RBFOX3: variants seen among roughly 807,000 people sequenced by gnomAD.
RBFOX3 encodes RNA binding protein fox-1 homolog 3.
A neutral mutation model predicts 48.7 loss-of-function variants in RBFOX3; 17 were observed. The observed-to-expected ratio is 0.35, with a 90% CI of 0.24 to 0.52. The LOEUF is 0.52. Ranked by LOEUF, RBFOX3 falls within the 20% of genes least tolerant of loss-of-function variation. RBFOX3 has a pLI of 0.94. For missense variants in RBFOX3, 382 were observed against 497.5 expected (o/e 0.77, Z 2.21); for synonymous variants, 212 against 209.5 (o/e 1.01, Z -0.10).
chr17:79,508,433 G>A (rs1598985616), intron 1 of RBFOX3, among the ~76,000 whole-genome samples: 2 of 152,162 alleles, frequency 1.3e-5, no homozygotes, highest in Admixed American at 6.5e-5. Flanking sequence ...GCCGCCCACC[G>A]CCTCCCTGAC....
intron 1 of RBFOX3, among the ~76,000 whole-genome samples, chr17:79,508,438 C>T (rs2083505706): frequency 6.6e-6 from 1 of 152,224 alleles, no homozygotes; most frequent in Non-Finnish European, 1.5e-5. Context: ...CCACCGCCTC[C>T]CTGACCGCCC....
At position 79,467,065 on chromosome 17, in the gene RBFOX3, G is replaced by C. The variant is rs964373981; in HGVS notation, c.-175+15389C>G. 6.4e-4 allele frequency among the ~76,000 whole-genome samples: 98 copies of C among 152,338 alleles called. 1 individual carries two copies. The highest frequency in any genetic ancestry group is 2.3e-3 in the African/African-American group (96 of 41,582). ...TGCACACGTCTAGATAAGGTGCAGA[G>C]CTGGCACTGCCACGGGCATGTGTTA... On this transcript the variant is annotated intron_variant, in intron 2 of 14. Coordinates refer to ENST00000693108, the MANE Select transcript of RBFOX3 (RefSeq NM_001350451.2).
chr17:79,617,172 C>T, the RBFOX3 span, among the ~76,000 whole-genome samples: 56 of 152,212 alleles, frequency 3.7e-4, no homozygotes, highest in African/African-American at 1.3e-3. Flanking sequence ...CTTCTAGTTT[C>T]ATCTTGTCTT....
At chr17:79,551,046 C>T (rs1263699800) in intron 1 of RBFOX3, among the ~76,000 whole-genome samples, 1 of 152,212 alleles carries the variant, frequency 6.6e-6, no homozygotes, top group Non-Finnish European at 1.5e-5. Context: ...ACTAGTATAT[C>T]TGAACAAAAG....
In RBFOX3 at chr17:79,306,746, A is replaced by G. The variant is rs568085516; in HGVS notation, c.-74+978T>C. On this transcript the variant is annotated intron_variant, in intron 3 of 14. Coordinates refer to ENST00000693108, the MANE Select transcript of RBFOX3 (RefSeq NM_001350451.2). ...GCCCAGATACCAACAGCCCCACCTG[A>G]GCCAACCTCCTAGGCCTCCCGTGCC... 5.9e-5 allele frequency among the ~76,000 whole-genome samples: 9 copies of G among 152,258 alleles called. No individual in the cohort carries two copies. In the South Asian group the frequency reaches 1.5e-3, roughly 25 times the overall value.
chr17:79,258,288 A>G (rs544107366), intron 3 of RBFOX3, among the ~76,000 whole-genome samples: 1 of 152,330 alleles, frequency 6.6e-6, no homozygotes, highest in Non-Finnish European at 1.5e-5. Context: ...AGCAGCCTCC[A>G]GTGATACGCC....
Position 79,407,903 on chromosome 17 carries a change from T to C in RBFOX3, c.-175+74551A>G, listed in dbSNP as rs905955480. 2.0e-5 allele frequency among the ~76,000 whole-genome samples: 3 copies of C among 152,202 alleles called. No homozygotes were observed. In the South Asian group the frequency reaches 6.2e-4, roughly 32 times the overall value. On this transcript the variant is annotated intron_variant, in intron 2 of 14. Transcript: ENST00000693108. ...TCCTTTGCACTATATAAAGACCTACTATGCAGCCAGCACTGGCCTGGAGTC... is the reference window on the plus strand; with the variant it reads ...TCCTTTGCACTATATAAAGACCTACCATGCAGCCAGCACTGGCCTGGAGTC...
At chr17:79,245,628 GATTTTTTTTTTTTTTTTTTTGA>G (rs1434585653) in intron 3 of RBFOX3, among the ~76,000 whole-genome samples, 3 of 85,518 alleles carry the variant, frequency 3.5e-5, no homozygotes, top group Admixed American at 1.3e-4. Context: ...TGAACATTTG[GATTTTTTTTTTTTTTTTTTTGA>G]GACACCTAAC....
upstream of RBFOX3, among the ~76,000 whole-genome samples, chr17:79,611,947 A>G (rs2145585115): frequency 6.6e-6 from 1 of 152,278 alleles, no homozygotes; most frequent in African/African-American, 2.4e-5. Flanking sequence ...AGCCTCCCCC[A>G]GCATCTAGAG....
intron 4 of RBFOX3, among the ~76,000 whole-genome samples, chr17:79,207,544 C>A (rs4789956): frequency 0.79 from 120,751 of 152,280 alleles, 49,565 homozygotes; most frequent in Non-Finnish European, 0.89. Flanking sequence ...TGGCCAGGCT[C>A]GGGCTGGGTC....
intron 2 of RBFOX3, among the ~76,000 whole-genome samples, chr17:79,450,004 A>C (rs1425348479): frequency 6.6e-6 from 1 of 152,222 alleles, no homozygotes; most frequent in African/African-American, 2.4e-5. Flanking sequence ...AATGCCAAAA[A>C]AGCCCAAAAT....
rs145471393 is a variant in RBFOX3 at position 79,544,789 on chromosome 17, G to A, written c.-319-62191C>T. ...CCTTCCTCACCTCCTGAGCAGCACC[G>A]CCCTCCCCCCACCTTCTAGACATGG... On this transcript the variant is annotated intron_variant, in intron 1 of 14. Transcript: ENST00000693108. Among the ~76,000 whole-genome samples the A allele has an allele frequency of 1.1e-3, 174 of 151,746 alleles. 1 individual carries two copies. The highest frequency in any genetic ancestry group is 0.01 in the Admixed American group (156 of 15,240).
intron 2 of RBFOX3, among the ~76,000 whole-genome samples, chr17:79,325,621 C>T (rs1472731694): frequency 6.6e-6 from 1 of 152,096 alleles, no homozygotes; most frequent in Non-Finnish European, 1.5e-5. Flanking sequence ...ATTACCACCT[C>T]CTCACCCTGA....
chr17:79,550,501 C>T (rs2091031665), intron 1 of RBFOX3, among the ~76,000 whole-genome samples: 1 of 152,136 alleles, frequency 6.6e-6, no homozygotes, highest in Non-Finnish European at 1.5e-5. Flanking sequence ...GACACATAGA[C>T]CATTCTATGG....
chr17:79,601,952 GA>G (rs1223204828), intron 1 of RBFOX3: 1 of 152,226 alleles, frequency 6.6e-6, no homozygotes, highest in Non-Finnish European at 1.5e-5. Flanking sequence ...CACACAAGCA[GA>G]CGTATTTTCC....
At chr17:79,538,854 T>C (rs1458162963) in intron 1 of RBFOX3, among the ~76,000 whole-genome samples, 1 of 152,142 alleles carries the variant, frequency 6.6e-6, no homozygotes, top group African/African-American at 2.4e-5. Flanking sequence ...AGTCAAAGCA[T>C]GGGTATGGCC....
upstream of RBFOX3, among the ~76,000 whole-genome samples, chr17:79,613,557 T>A (rs1438337261): frequency 1.3e-5 from 2 of 151,962 alleles, no homozygotes; most frequent in African/African-American, 4.8e-5. Context: ...GACTGGGGAG[T>A]CCTTGGTAAT....
At chr17:79,349,606 G>A (rs12950551) in intron 2 of RBFOX3, among the ~76,000 whole-genome samples, 19,931 of 152,034 alleles carry the variant, frequency 0.13, 1,856 homozygotes, top group Non-Finnish European at 0.2. Context: ...ACTGGTTTGT[G>A]CGACTCCAGT....
the RBFOX3 span, among the ~76,000 whole-genome samples, chr17:79,632,741 T>TGA: frequency 6.4e-5 from 8 of 125,508 alleles, no homozygotes; most frequent in Non-Finnish European, 8.3e-5. Context: ...ACGTATCTAC[T>TGA]AAAAAAAAAA....
Sources: gnomAD v4.1 joint callset for allele counts (sites outside exome capture counted in the v4.1 genomes callset) on GRCh38, gnomAD v4.1.1 for gene constraint, MANE v1.5 for transcripts, NCBI Gene and HGNC (gene_info 2026-07-23, HGNC 2026-07-21) for gene names.